The following FMNL2 variants were observed in gnomAD, a reference collection of about 807,000 sequenced individuals.
The protein encoded by FMNL2 is formin like 2.
In FMNL2, 51 loss-of-function variants were observed where a neutral mutation model predicts 130.2. The ratio of observed to expected loss-of-function variants is 0.39; its 90% CI spans 0.31 to 0.49. The LOEUF (loss-of-function observed/expected upper bound fraction) is 0.49, where lower values mean the gene tolerates loss of function less well. Among genes scored for constraint, FMNL2 ranks in the 20% least tolerant of loss-of-function variants. The probability of loss-of-function intolerance (pLI) is 0.85; values close to 1 mark genes in which losing one functional copy is unlikely to be tolerated. For missense variants in FMNL2, 977 were observed against 1,316.2 expected (o/e 0.74, Z 3.99); for synonymous variants, 465 against 467.1 (o/e 1.00, Z 0.06).
rs532902240 is a variant in FMNL2 at position 152,458,935 on chromosome 2, G to A, written c.118-63008G>A. ...GTAATAGAGTTAAGGGCACCAAACT[G>A]TGCACCATCGTTTTGGAACCAACTG... On this transcript the variant is annotated intron_variant, in intron 1 of 25. Coordinates refer to ENST00000288670, the MANE Select transcript of FMNL2 (RefSeq NM_052905.4). Among the ~76,000 whole-genome samples the A allele has an allele frequency of 5.9e-5, 9 of 152,312 alleles. No individual in the cohort carries two copies. The East Asian group carries it at 1.5e-3, about 26-fold the overall frequency.
chr2:152,432,768 G>A (rs1687565432), intron 1 of FMNL2, among the ~76,000 whole-genome samples: 1 of 152,222 alleles, frequency 6.6e-6, no homozygotes, highest in Non-Finnish European at 1.5e-5. Flanking sequence ...AAATTTTAAA[G>A]ATGAGTAAGA....
At chr2:152,560,283 C>T (rs973990577) in intron 5 of FMNL2, among the ~76,000 whole-genome samples, 1 of 151,264 alleles carries the variant, frequency 6.6e-6, no homozygotes. Flanking sequence ...AGCAAGTTAA[C>T]TTGTCATTTA....
intron 20 of FMNL2, among the ~76,000 whole-genome samples, chr2:152,631,345 A>T (rs187862305): frequency 0.015 from 2,002 of 136,606 alleles, 20 homozygotes; most frequent in Middle Eastern, 0.03. Flanking sequence ...GTGAGCCAAG[A>T]TTGTGCCACT....
At chr2:152,382,506 C>T (rs1684530211) in intron 1 of FMNL2, among the ~76,000 whole-genome samples, 1 of 152,160 alleles carries the variant, frequency 6.6e-6, no homozygotes, top group Non-Finnish European at 1.5e-5. Flanking sequence ...AGAGGGTCCA[C>T]TTGCCTCCAC....
chr2:152,546,352 G>T (rs968205025), intron 3 of FMNL2, among the ~76,000 whole-genome samples: 3 of 152,124 alleles, frequency 2.0e-5, no homozygotes, highest in African/African-American at 7.2e-5. Flanking sequence ...GAAGGCTAAG[G>T]GGGAGCGGGT....
At chr2:152,569,527 A>G (rs532207657) in intron 6 of FMNL2, among the ~76,000 whole-genome samples, 4 of 149,316 alleles carry the variant, frequency 2.7e-5, no homozygotes, top group East Asian at 2.0e-4. Flanking sequence ...CTTAAAAGAT[A>G]TTTGCTTAGC....
chr2:152,401,898 C>CTTTTTTTTTTTTTTTTT (rs70974858), intron 1 of FMNL2, among the ~76,000 whole-genome samples: 1 of 78,556 alleles, frequency 1.3e-5, no homozygotes, highest in African/African-American at 5.3e-5. Flanking sequence ...TGTGTTTAAT[C>CTTTTTTTTTTTTTTTTT]TTTTTTTTTT....
At chr2:152,591,732 G>A (rs6710689) in intron 9 of FMNL2, among the ~76,000 whole-genome samples, 6,519 of 152,264 alleles carry the variant, frequency 0.043, 319 homozygotes, top group East Asian at 0.17. Flanking sequence ...CTTGGGTCTA[G>A]GGGGTCAAGA....
intron 15 of FMNL2, chr2:152,621,059 A>G (rs1699223621): frequency 3.0e-6 from 3 of 985,392 alleles, no homozygotes; most frequent in South Asian, 4.7e-5. Context: ...CCTCATATCA[A>G]GCCCCGGGAA....
chr2:152,462,268 C>T (rs555257345), intron 1 of FMNL2, among the ~76,000 whole-genome samples: 8 of 152,142 alleles, frequency 5.3e-5, no homozygotes, highest in South Asian at 2.1e-4. Context: ...TAGTGGCTGT[C>T]GTACTCAACT....
At chr2:152,620,609 C>G (rs1016880985) in intron 15 of FMNL2, among the ~76,000 whole-genome samples, 1 of 152,162 alleles carries the variant, frequency 6.6e-6, no homozygotes, top group African/African-American at 2.4e-5. Flanking sequence ...AGAACTACCA[C>G]TCTAATAGCC....
intron 1 of FMNL2, among the ~76,000 whole-genome samples, chr2:152,452,540 C>T (rs1253557333): frequency 3.3e-5 from 5 of 152,256 alleles, no homozygotes; most frequent in African/African-American, 1.2e-4. Context: ...GCACTCCTCC[C>T]CCCCCTAGTT....
chr2:152,599,893 C>T (rs965405415), intron 9 of FMNL2, among the ~76,000 whole-genome samples: 1 of 152,168 alleles, frequency 6.6e-6, no homozygotes, highest in Non-Finnish European at 1.5e-5. Flanking sequence ...TGAGAGCCAG[C>T]AGCAGGTTGG....
chr2:152,493,253 TCTC>T (rs1343126304), intron 1 of FMNL2, among the ~76,000 whole-genome samples: 1 of 152,208 alleles, frequency 6.6e-6, no homozygotes, highest in Non-Finnish European at 1.5e-5. Context: ...TCATCAAACT[TCTC>T]CTCATTTTAG....
Position 152,618,667 on chromosome 2 carries a change from A to G in FMNL2, c.1315-179A>G, listed in dbSNP as rs139689737. On this transcript the variant is annotated intron_variant, in intron 13 of 25. Coordinates refer to ENST00000288670, the MANE Select transcript of FMNL2 (RefSeq NM_052905.4). The stretch of plus-strand genomic sequence containing the variant: ...CCAACAACAATAGCTAGAATATATT[A>G]CATGCATTACTAGCATACAACTAAT... Among the ~76,000 whole-genome samples the G allele has an allele frequency of 2.6e-3, 403 of 152,364 alleles. 4 individuals carry two copies. Among genetic ancestry groups the G allele is most frequent in the East Asian group, 0.013 (68 of 5,180 alleles).
intron 7 of FMNL2, chr2:152,578,587 AT>A (rs577799870): frequency 0.32 from 45,623 of 141,728 alleles, 7,226 homozygotes; most frequent in African/African-American, 0.4. Context: ...ATCATTGCCG[AT>A]TTTTTTTTTT....
chr2:152,449,560 C>G (rs180815939), intron 1 of FMNL2, among the ~76,000 whole-genome samples: 466 of 152,228 alleles, frequency 3.1e-3, no homozygotes, highest in Non-Finnish European at 5.4e-3. Flanking sequence ...AAATTACATG[C>G]TTTTAGCTTC....
At chr2:152,356,038 T>C (rs1045658263) in intron 1 of FMNL2, among the ~76,000 whole-genome samples, 3 of 152,240 alleles carry the variant, frequency 2.0e-5, no homozygotes, top group African/African-American at 7.2e-5. Context: ...CTTCTGAATT[T>C]ATAGAAATGG....
intron 1 of FMNL2, among the ~76,000 whole-genome samples, chr2:152,480,778 C>T (rs1409379386): frequency 6.6e-6 from 1 of 151,526 alleles, no homozygotes; most frequent in African/African-American, 2.4e-5. Flanking sequence ...TTCAAGAATA[C>T]AGTATACATG....
Sources: gnomAD v4.1 joint callset for allele counts (sites outside exome capture counted in the v4.1 genomes callset) on GRCh38, gnomAD v4.1.1 for gene constraint, MANE v1.5 for transcripts, NCBI Gene and HGNC (gene_info 2026-07-23, HGNC 2026-07-21) for gene names.